The following NR4A1 variants were observed in gnomAD, a reference collection of about 807,000 sequenced individuals.
The protein encoded by NR4A1 is nuclear receptor subfamily 4immunitygroup A member 1.
NR4A1 carries 24 observed loss-of-function variants against 47.5 expected under a neutral mutation model. The observed-to-expected ratio is 0.50, with a 90% CI of 0.37 to 0.71. The LOEUF (loss-of-function observed/expected upper bound fraction) is 0.71, where lower values mean the gene tolerates loss of function less well. NR4A1 is among the 30% of genes least tolerant of loss of function. The pLI, the probability that NR4A1 is intolerant of heterozygous loss-of-function variation, is 0.00. For synonymous variants in NR4A1, 353 were observed against 345.7 expected, an observed-to-expected ratio of 1.02 and a Z score of -0.24; for missense variants, 669 against 788.6, an observed-to-expected ratio of 0.85 and a Z score of 1.82.
At chr12:52,032,815 A>C (rs938569730) in intron 1 of NR4A1, among the ~76,000 whole-genome samples, 1 of 152,170 alleles carries the variant, frequency 6.6e-6, no homozygotes, top group Non-Finnish European at 1.5e-5. Flanking sequence ...AGACAGCTCA[A>C]GAATTAAGGG....
intron 1 of NR4A1, chr12:52,038,685 G>A (rs186647748): frequency 3.9e-5 from 30 of 763,006 alleles, no homozygotes; most frequent in Admixed American, 3.9e-4. Context: ...AGCTGACTCC[G>A]TGTAGTCATC....
rs781159265 is a variant in NR4A1, at chr12:52,054,683, C to T, written c.355C>T (p.Pro119Ser). The T allele has an allele frequency of 1.9e-6, 3 of 1,613,924 alleles. No individual in the cohort carries two copies. The African/African-American group carries it at 4.0e-5, about 22-fold the overall frequency. Reference sequence around the variant, plus strand: ...CTGCTACCCCGGCCCCCTGAGCGGCCCAGTGGATGAGGCCCTGTCCTCCAG... The same window carrying T: ...CTGCTACCCCGGCCCCCTGAGCGGCTCAGTGGATGAGGCCCTGTCCTCCAG... ...YGCYPGPLSG[P>S]VDEALSSSGS... is the part of the protein sequence containing the mutation. Residue 119 changes from proline (P) to serine (S), a missense_variant, in exon 2 of 7, where the codon CCA (proline) becomes TCA (serine). By Grantham distance (74) the Pro-to-Ser change is moderately conservative (BLOSUM62 -1). Coordinates refer to ENST00000394825, the MANE Select transcript of NR4A1 (RefSeq NM_173157.3).
chr12:52,054,333 C>T lies in NR4A1; in HGVS notation c.5C>T (p.Pro2Leu). 1 of 1,606,918 alleles carries T rather than the reference C, an allele frequency of 6.2e-7. No individual in the cohort carries two copies. The change falls in exon 2 of 7, where the codon CCC (proline) becomes CTC (leucine). Residue 2 changes from proline (P) to leucine (L), a missense_variant. Coordinates refer to ENST00000394825, the MANE Select transcript of NR4A1 (RefSeq NM_173157.3). ...GGGTCTCCTCTCTCTCCAGAGATGC[C>T]CTGTATCCAAGCCCAATATGGGACA... M[P>L]CIQAQYGTPA...
intron 1 of NR4A1, chr12:52,037,359 C>A: frequency 1.0e-6 from 1 of 985,478 alleles, no homozygotes; most frequent in South Asian, 4.6e-5. Context: ...CATGGGCGCC[C>A]CTGCGGTGCA....
At chr12:52,052,317 G>GAGAGAGAGAGAGAGAGAGAA (rs1939021815) in intron 1 of NR4A1, among the ~76,000 whole-genome samples, 25 of 151,046 alleles carry the variant, frequency 1.7e-4, no homozygotes, top group African/African-American at 6.1e-4. Flanking sequence ...GAGAGAGAGA[G>GAGAGAGAGAGAGAGAGAGAA]AGAGAGAGAG....
intron 1 of NR4A1, among the ~76,000 whole-genome samples, chr12:52,030,037 A>C (rs980690926): frequency 2.6e-5 from 4 of 152,182 alleles, no homozygotes; most frequent in Non-Finnish European, 5.9e-5. Flanking sequence ...TTTCTACCCC[A>C]GCAAACCCTA....
upstream of NR4A1, among the ~76,000 whole-genome samples, chr12:52,048,003 A>C (rs1052497210): frequency 8.6e-5 from 13 of 151,514 alleles, no homozygotes; most frequent in Admixed American, 7.9e-4. Context: ...AAATACAAAA[A>C]ATTAGCTGGG....
chr12:52,057,509 T>C lies in NR4A1; in HGVS notation c.1519T>C (p.Ser507Pro). 6.2e-7 allele frequency: 1 copy of C among 1,614,124 alleles called. No homozygotes were observed. The highest frequency in any genetic ancestry group is 8.5e-7 in the Non-Finnish European group (1 of 1,180,036). ...LVDVPAFACL[S>P]ALVLITDRHG... ...CGATGTCCCTGCCTTCGCCTGCCTC[T>C]CTGCCCTTGTCCTCATCACCGGTGA... The change falls in exon 6 of 7, where the codon TCT becomes CCT. Residue 507 changes from serine to proline, a missense_variant. Physicochemically the swap from Ser to Pro is moderately conservative, Grantham distance 74. Coordinates refer to ENST00000394825, the MANE Select transcript of NR4A1 (RefSeq NM_173157.3).
At chr12:52,025,148 C>A (rs1022791300) in intron 1 of NR4A1, among the ~76,000 whole-genome samples, 2 of 151,642 alleles carry the variant, frequency 1.3e-5, no homozygotes, top group East Asian at 1.9e-4. Flanking sequence ...CACCCTCCGT[C>A]CCCCGGGTTC....
rs375396767 is a variant in NR4A1, at chr12:52,054,372, C to G, written c.44C>G (p.Pro15Arg). 6.2e-7 allele frequency: 1 copy of G among 1,613,468 alleles called. No homozygotes were observed. Among genetic ancestry groups the G allele is most frequent in the South Asian group, 1.1e-5 (1 of 91,010 alleles). ...QAQYGTPAPSPGPRDHLASDP... is the reference protein window; with the variant it reads ...QAQYGTPAPSRGPRDHLASDP... ...CAATATGGGACACCAGCACCGAGTC[C>G]GGGACCCCGTGACCACCTGGCAAGC... Residue 15 changes from proline (P) to arginine (R), a missense_variant, in exon 2 of 7, where the codon CCG (proline) becomes CGG (arginine). Pro to Arg is a moderately radical substitution (Grantham distance 103, BLOSUM62 -2). Coordinates refer to ENST00000394825, the MANE Select transcript of NR4A1 (RefSeq NM_173157.3).
In NR4A1 at chr12:52,058,740, C is replaced by G; in HGVS notation, c.1593C>G (p.Ile531Met). The part of the protein sequence containing the change: ...PRRVEELQNR[I>M]ASCLKEHVAA... ...GGGTGGAGGAGCTGCAGAACCGCAT[C>G]GCCAGCTGCCTGAAGGAGCACGTGG... The change falls in exon 7 of 7, where the codon ATC becomes ATG. Residue 531 changes from isoleucine to methionine, a missense_variant. Physicochemically the swap from Ile to Met is conservative, Grantham distance 10. Transcript: ENST00000394825. The G allele has an allele frequency of 6.2e-7, 1 of 1,611,692 alleles. No homozygotes were observed. The highest frequency in any genetic ancestry group is 8.5e-7 in the Non-Finnish European group (1 of 1,179,354).
intron 2 of NR4A1, chr12:52,055,655 T>A (rs965185516): frequency 2.7e-6 from 1 of 373,616 alleles, no homozygotes; most frequent in African/African-American, 2.1e-5. Context: ...GTCCCAGCGA[T>A]GGTGCCTGCT....
chr12:52,040,712 C>T (rs1938401188), intron 1 of NR4A1, among the ~76,000 whole-genome samples: 1 of 152,110 alleles, frequency 6.6e-6, no homozygotes, highest in South Asian at 2.1e-4. Flanking sequence ...GAGGATCTTC[C>T]CTTGGCCTGT....
chr12:52,037,520 G>C (rs996260110), intron 1 of NR4A1: 6 of 981,448 alleles, frequency 6.1e-6, no homozygotes, highest in Non-Finnish European at 7.3e-6. Flanking sequence ...GATGCCTTTG[G>C]GCGGGCTCGG....
Position 52,054,958 on chromosome 12 carries a change from C to T in NR4A1, c.630C>T (p.Phe210=). 1 of 1,614,194 alleles carries T rather than the reference C, an allele frequency of 6.2e-7. No individual in the cohort carries two copies. Among genetic ancestry groups the T allele is most frequent in the Non-Finnish European group, 8.5e-7 (1 of 1,180,032 alleles). The part of the protein sequence containing the change: ...PSLAQSPLKL[F]PSQATHQLGE... The stretch of plus-strand genomic sequence containing the variant: ...TGGCCCAGAGCCCCCTGAAGTTGTT[C>T]CCCTCACAGGCCACCCACCAGCTGG... Residue 210 remains phenylalanine, a synonymous_variant, in exon 2 of 7, where the codon TTC becomes TTT. Transcript: ENST00000394825.
intron 2 of NR4A1, chr12:52,044,027 G>T (rs1479150822): frequency 1.8e-5 from 15 of 827,226 alleles, no homozygotes; most frequent in Admixed American, 1.0e-4. Flanking sequence ...AGCAAGGGTG[G>T]CCGACAACTG....
intron 1 of NR4A1, among the ~76,000 whole-genome samples, chr12:52,033,379 C>T (rs1049284468): frequency 1.3e-5 from 2 of 152,240 alleles, no homozygotes; most frequent in South Asian, 2.1e-4. Flanking sequence ...CCTCTCACTT[C>T]GTAAATCACG....
At chr12:52,031,273 A>G (rs981309269) in intron 1 of NR4A1, among the ~76,000 whole-genome samples, 7 of 150,756 alleles carry the variant, frequency 4.6e-5, no homozygotes, top group Non-Finnish European at 1.5e-5. Flanking sequence ...TGATCCTCCC[A>G]TCTCGGCCTC....
chr12:52,035,496 G>C (rs1938215727), intron 1 of NR4A1, among the ~76,000 whole-genome samples: 1 of 152,138 alleles, frequency 6.6e-6, no homozygotes, highest in African/African-American at 2.4e-5. Flanking sequence ...GAAAAGAGGG[G>C]GTGGGGTAGC....
Sources: gnomAD v4.1 joint callset for allele counts (sites outside exome capture counted in the v4.1 genomes callset) on GRCh38, gnomAD v4.1.1 for gene constraint, MANE v1.5 for transcripts, NCBI Gene and HGNC (gene_info 2026-07-23, HGNC 2026-07-21) for gene names.